Variants in TENM1 observed in about 807,000 individuals in gnomAD.
The protein encoded by TENM1 is teneurin transmembrane protein 1, also known as teneurin-1.
A neutral mutation model predicts 174.8 loss-of-function variants in TENM1; 35 were observed. The ratio of observed to expected loss-of-function variants is 0.20; its 90% CI spans 0.15 to 0.27. The LOEUF is 0.27. Among genes scored for constraint, TENM1 ranks in the 10% least tolerant of loss-of-function variants. The pLI is 1.00. For synonymous variants in TENM1, 781 were observed against 798.7 expected, an observed-to-expected ratio of 0.98 and a Z score of 0.37; for missense variants, 1,633 against 2,130.1, an observed-to-expected ratio of 0.77 and a Z score of 4.59.
At chrX:125,160,476 C>T in the TENM1 span, among the ~76,000 whole-genome samples, 3 of 87,487 alleles carry the variant, frequency 3.4e-5, no homozygotes, top group African/African-American at 8.8e-5. Context: ...ACCCGGTAGG[C>T]GGAGGTTGCA....
intron 11 of TENM1, among the ~76,000 whole-genome samples, chrX:124,569,801 C>T (rs941143541): frequency 2.7e-5 from 3 of 110,661 alleles, no homozygotes; most frequent in East Asian, 2.8e-4. Flanking sequence ...ACCTAAGTAT[C>T]GATTCTTAGA....
chrX:124,891,778 A>G (rs1402490081), intron 3 of TENM1, among the ~76,000 whole-genome samples: 6 of 111,858 alleles, frequency 5.4e-5, no homozygotes, highest in African/African-American at 2.0e-4. Flanking sequence ...ATATTAGATG[A>G]CCAGAGGTCT....
intron 1 of TENM1, among the ~76,000 whole-genome samples, chrX:124,962,013 T>C (rs1483213551): frequency 9.0e-6 from 1 of 111,546 alleles, no homozygotes; most frequent in Non-Finnish European, 1.9e-5. Context: ...TGATTAGATA[T>C]AGTAAGTATG....
intron 3 of TENM1, among the ~76,000 whole-genome samples, chrX:124,844,300 T>A (rs1333701045): frequency 8.9e-6 from 1 of 112,023 alleles, no homozygotes; most frequent in African/African-American, 3.2e-5. Flanking sequence ...TCATTTCCAA[T>A]GTATTTAATT....
At chrX:124,788,774 C>T (rs755432558) in intron 3 of TENM1, among the ~76,000 whole-genome samples, 132 of 112,652 alleles carry the variant, frequency 1.2e-3, no homozygotes, top group Middle Eastern at 4.6e-3. Flanking sequence ...GGTATAGCCC[C>T]CCTCATGGCT....
chrX:125,059,742 G>C, the TENM1 span, among the ~76,000 whole-genome samples: 1 of 111,245 alleles, frequency 9.0e-6, no homozygotes, highest in Non-Finnish European at 1.9e-5. Context: ...ACAGACAAAT[G>C]AATAAACTGT....
rs540016289 is a variant in TENM1, at chrX:124,520,996, C to T, written c.3034-212G>A. 2.7e-5 allele frequency among the ~76,000 whole-genome samples: 3 copies of T among 111,200 alleles called. No individual in the cohort carries two copies. In the South Asian group the frequency reaches 1.2e-3, roughly 43 times the overall value. ...ACCAAACCTGAATGGAGACAAGACCCAACCTTAAGGATTGCATTTATTTTT... is the reference window on the plus strand; with the variant it reads ...ACCAAACCTGAATGGAGACAAGACCTAACCTTAAGGATTGCATTTATTTTT... On this transcript the variant is annotated intron_variant, in intron 17 of 31. Transcript: ENST00000422452.
chrX:124,814,773 A>G (rs111904899), intron 3 of TENM1, among the ~76,000 whole-genome samples: 6,232 of 111,385 alleles, frequency 0.056, 284 homozygotes, highest in African/African-American at 0.15. Context: ...GATAAAGGAA[A>G]AGGGAGGGGC....
At chrX:125,073,330 T>A in the TENM1 span, among the ~76,000 whole-genome samples, 369 of 111,445 alleles carry the variant, frequency 3.3e-3, 3 homozygotes, top group African/African-American at 0.012. Flanking sequence ...ACGTAATGGG[T>A]GATCAACTGA....
chrX:124,440,541 T>C (rs1053000315), intron 23 of TENM1, among the ~76,000 whole-genome samples: 9 of 111,807 alleles, frequency 8.0e-5, no homozygotes, highest in Admixed American at 5.7e-4. Flanking sequence ...TCCAAAATTA[T>C]ACAGAACCTT....
At chrX:124,577,441 GA>G (rs11329961) in intron 11 of TENM1, among the ~76,000 whole-genome samples, 26,509 of 109,788 alleles carry the variant, frequency 0.24, 2,438 homozygotes, top group South Asian at 0.39. Flanking sequence ...GCATGATGAA[GA>G]AAAAAGGCAT....
Position 124,872,977 on chromosome X carries a change from T to A in TENM1, c.535+21319A>T, listed in dbSNP as rs562165384. Among the ~76,000 whole-genome samples the A allele has an allele frequency of 1.3e-4, 15 of 111,709 alleles. 1 individual carries two copies. The South Asian group carries it at 5.6e-3, about 42-fold the overall frequency. ...AATAGATTTGTTTCCCACTTTATTT[T>A]CAGAAGGAATATACACATACAAAGC... On this transcript the variant is annotated intron_variant, in intron 3 of 31. Transcript: ENST00000422452.
At chrX:124,669,889 A>G in intron 6 of TENM1, among the ~76,000 whole-genome samples, 1 of 111,983 alleles carries the variant, frequency 8.9e-6, no homozygotes, top group Non-Finnish European at 1.9e-5. Flanking sequence ...CTTTGCTTTC[A>G]TTGTGTAAAA....
At chrX:124,861,804 CTTAT>C (rs762731968) in intron 3 of TENM1, among the ~76,000 whole-genome samples, 9 of 111,518 alleles carry the variant, frequency 8.1e-5, no homozygotes, top group African/African-American at 2.0e-4. Context: ...CATGCATGTG[CTTAT>C]TTATTTATTT....
chrX:124,886,858 G>T (rs1298807496), intron 3 of TENM1, among the ~76,000 whole-genome samples: 2 of 106,503 alleles, frequency 1.9e-5, no homozygotes, highest in Non-Finnish European at 3.9e-5. Context: ...GATGGAAATG[G>T]GCCATTAACA....
At chrX:124,447,207 A>G (rs1334233649) in intron 23 of TENM1, among the ~76,000 whole-genome samples, 1 of 111,649 alleles carries the variant, frequency 9.0e-6, no homozygotes, top group Non-Finnish European at 1.9e-5. Flanking sequence ...CATGTTCTTA[A>G]GTACAGTCAT....
chrX:124,764,580 A>G (rs186849276), intron 3 of TENM1, among the ~76,000 whole-genome samples: 1 of 110,589 alleles, frequency 9.0e-6, no homozygotes, highest in Admixed American at 9.7e-5. Flanking sequence ...GCCTCACTAG[A>G]TAAGCTTGTC....
the TENM1 span, among the ~76,000 whole-genome samples, chrX:124,984,431 C>T: frequency 2.7e-5 from 3 of 112,243 alleles, no homozygotes; most frequent in African/African-American, 6.5e-5. Context: ...GGAAATTCAG[C>T]GTCTTTGTCT....
At chrX:125,010,585 C>T in the TENM1 span, among the ~76,000 whole-genome samples, 22 of 108,807 alleles carry the variant, frequency 2.0e-4, no homozygotes, top group African/African-American at 4.7e-4. Context: ...GAGGCCGAGA[C>T]GGGCGGATCA....
Sources: allele counts gnomAD v4.1 joint callset (sites outside exome capture counted in the v4.1 genomes callset), GRCh38; gene constraint gnomAD v4.1.1; transcripts MANE v1.5; gene names NCBI Gene and HGNC (gene_info 2026-07-23, HGNC 2026-07-21).